The following MUC22 variants were observed in gnomAD, a reference collection of about 807,000 sequenced individuals.
MUC22 encodes the protein mucin 22.
MUC22 carries 24 observed loss-of-function variants against 40.3 expected under a neutral mutation model. That is an observed-to-expected ratio of 0.60 (90% CI 0.43 to 0.84). The LOEUF is 0.84. MUC22 is among the 40% of genes least tolerant of loss of function. The pLI, the probability that MUC22 is intolerant of heterozygous loss-of-function variation, is 0.00. For missense variants in MUC22, 1,926 were observed against 2,130.7 expected (o/e 0.90, Z 1.89); for synonymous variants, 765 against 844.5 (o/e 0.91, Z 1.63).
In MUC22 at chr6:31,024,563, T is replaced by G. The variant is rs531683827; in HGVS notation, c.71-939T>G. Among the ~76,000 whole-genome samples the G allele has an allele frequency of 2.0e-5, 3 of 152,304 alleles. No homozygotes were observed. The East Asian group carries it at 5.8e-4, about 29-fold the overall frequency. On this transcript the variant is annotated intron_variant, in intron 1 of 3. Coordinates refer to ENST00000561890, the Ensembl canonical transcript of MUC22. ...TTTCTACCATGGTATTTTGCTAAACTCTGAGTATACCCCTGTCAGCAAAAG... is the reference window on the plus strand; with the variant it reads ...TTTCTACCATGGTATTTTGCTAAACGCTGAGTATACCCCTGTCAGCAAAAG...
In MUC22 at chr6:31,032,377, C is replaced by G; in HGVS notation, c.4851C>G (p.Thr1617=). 2 of 1,535,718 alleles carry G rather than the reference C, an allele frequency of 1.3e-6. No individual in the cohort carries two copies. Among genetic ancestry groups the G allele is most frequent in the Non-Finnish European group, 1.7e-6 (2 of 1,146,912 alleles). The change falls in exon 3 of 4, where the codon ACC becomes ACG. Residue 1617 remains threonine, a synonymous_variant. Coordinates refer to ENST00000561890, the Ensembl canonical transcript of MUC22. This position sits in a 1 kb window ranked among gnomAD's most constrained non-coding sequence, Gnocchi z 4.1. ...CCTCAGCCCACGGCGTCAGGACCAC[C>G]ACAGGATCCACCCGTGAGCCAACCA... is the stretch of plus-strand genomic sequence containing the variant.
chr6:31,016,418 A>C (rs1347974955), intron 1 of MUC22, among the ~76,000 whole-genome samples: 1 of 152,124 alleles, frequency 6.6e-6, no homozygotes, highest in Non-Finnish European at 1.5e-5. Context: ...GAGACGTGGC[A>C]GTTTAGATTG....
rs1252197074 is a variant in MUC22, at chr6:31,011,342, G to A, written c.70+566G>A. On this transcript the variant is annotated intron_variant, in intron 1 of 3. Coordinates refer to ENST00000561890, the Ensembl canonical transcript of MUC22. This position sits in a 1 kb window ranked among gnomAD's most constrained non-coding sequence, Gnocchi z 4.5. ...CTATCTGTAGTCTTTTATCTCTCGT[G>A]CCTCCCCCGTCCTTCCTCCCTAGTG... Among the ~76,000 whole-genome samples the A allele has an allele frequency of 6.6e-6, 1 of 151,824 alleles. No individual in the cohort carries two copies. Among genetic ancestry groups the A allele is most frequent in the Non-Finnish European group, 1.5e-5 (1 of 67,876 alleles).
At position 31,027,100 on chromosome 6, in the gene MUC22, A is replaced by G. The variant is rs895213002; in HGVS notation, c.1669A>G (p.Met557Val). The change falls in exon 2 of 4, where the codon ATG becomes GTG. Residue 557 changes from methionine (M) to valine (V), a missense_variant. Transcript: ENST00000561890. ...ATCCACCATGGGCTCTGAGACCACT[A>G]TGGCCTCTACCATAGGCCCTGAGAC... 2.7e-6 allele frequency: 4 copies of G among 1,494,508 alleles called. 1 individual carries two copies. Among genetic ancestry groups the G allele is most frequent in the African/African-American group, 1.4e-5 (1 of 71,890 alleles). 92.6% of individuals were successfully genotyped at this position (1,494,508 alleles called of 1,614,324 possible).
At chr6:31,024,607 T>G (rs532743728) in intron 1 of MUC22, among the ~76,000 whole-genome samples, 2 of 152,208 alleles carry the variant, frequency 1.3e-5, no homozygotes, top group Non-Finnish European at 2.9e-5. Flanking sequence ...GCTTATGTTC[T>G]TGTAAAGAAG....
chr6:31,025,661 C>T lies in MUC22; in HGVS notation c.230C>T (p.Ser77Leu), dbSNP rs935540346. Reference sequence around the variant, plus strand: ...TCTACCACAGGCTCTGAGACAACCTCAGCCTCCACCATGGCTTCTACTGCA... The same window carrying T: ...TCTACCACAGGCTCTGAGACAACCTTAGCCTCCACCATGGCTTCTACTGCA... The change falls in exon 2 of 4, where the codon TCA (serine) becomes TTA (leucine). Residue 77 changes from serine (S) to leucine (L), a missense_variant. Ser to Leu is a moderately radical substitution (Grantham distance 145). Coordinates refer to ENST00000561890, the Ensembl canonical transcript of MUC22. 19 of 1,533,148 alleles carry T rather than the reference C, an allele frequency of 1.2e-5. No individual in the cohort carries two copies. Among genetic ancestry groups the T allele is most frequent in the Non-Finnish European group, 1.7e-5 (19 of 1,145,362 alleles). The allele number at this position is 1,533,148 out of a possible 1,614,324, so 95.0% of individuals were successfully genotyped here.
At chr6:31,027,948 CACTGCAGGCTCT>C (rs1765586143) in exon 2 of MUC22, 1 of 1,529,482 alleles carries the variant, frequency 6.5e-7, no homozygotes, top group Non-Finnish European at 8.7e-7. Flanking sequence ...CTGCAGCCTC[CACTGCAGGCTCT>C]GAGACCACCA....
chr6:31,026,603 C>T, exon 2 of MUC22: 1 of 1,506,772 alleles, frequency 6.6e-7, no homozygotes, highest in East Asian at 2.5e-5. Flanking sequence ...GTCACCTCTA[C>T]TGCAGGCTCT....
chr6:31,022,834 C>T (rs79595437), intron 1 of MUC22, among the ~76,000 whole-genome samples: 18,231 of 152,008 alleles, frequency 0.12, 1,283 homozygotes, highest in African/African-American at 0.17. Context: ...AAAATGGGGT[C>T]AAAAATGACT....
exon 2 of MUC22, chr6:31,028,270 G>A: frequency 6.5e-7 from 1 of 1,534,314 alleles, no homozygotes; most frequent in Non-Finnish European, 8.7e-7. Context: ...GACCACTACA[G>A]TCTCCATCAC....
At chr6:31,033,503 TG>T in intron 3 of MUC22, among the ~76,000 whole-genome samples, 1 of 152,362 alleles carries the variant, frequency 6.6e-6, no homozygotes, top group East Asian at 1.9e-4. Context: ...TGGTCTTGAT[TG>T]TTCTTTGAAT....
exon 2 of MUC22, chr6:31,028,321 A>G: frequency 6.5e-7 from 1 of 1,533,004 alleles, no homozygotes; most frequent in South Asian, 1.2e-5. Flanking sequence ...AGGTTCAGAG[A>G]CCACCACCAC....
At chr6:31,029,858 C>T in exon 2 of MUC22, 2 of 1,534,184 alleles carry the variant, frequency 1.3e-6, no homozygotes, top group South Asian at 1.2e-5. Context: ...TCTGAGACCT[C>T]CACACCCTCC....
upstream of MUC22, chr6:31,010,383 C>T (rs1342521181): frequency 9.7e-6 from 3 of 309,030 alleles, no homozygotes; most frequent in Non-Finnish European, 1.8e-5. Context: ...AAGCACAGCG[C>T]AGAAATGCCC....
exon 2 of MUC22, chr6:31,027,996 C>T (rs749938740): frequency 2.6e-6 from 4 of 1,533,076 alleles, no homozygotes; most frequent in East Asian, 2.5e-5. Context: ...ATTCTGAGAA[C>T]ACCACAGCAT....
intron 1 of MUC22, among the ~76,000 whole-genome samples, chr6:31,023,264 A>G (rs919368521): frequency 6.6e-6 from 1 of 152,132 alleles, no homozygotes; most frequent in South Asian, 2.1e-4. Context: ...GGCCAGCTAC[A>G]GTGGTTCACA....
At chr6:31,026,306 C>A (rs1396118975) in exon 2 of MUC22, 3 of 1,512,636 alleles carry the variant, frequency 2.0e-6, no homozygotes, top group Non-Finnish European at 2.7e-6. Context: ...ACAGCCTCTA[C>A]AGCAGGTTCT....
chr6:31,020,392 G>T (rs1175219383), intron 1 of MUC22, among the ~76,000 whole-genome samples: 3 of 149,504 alleles, frequency 2.0e-5, no homozygotes, highest in African/African-American at 7.4e-5. Flanking sequence ...TGAAATGAAG[G>T]CTTTTCTAGA....
intron 1 of MUC22, among the ~76,000 whole-genome samples, chr6:31,023,026 A>G (rs1057140056): frequency 2.6e-5 from 4 of 152,164 alleles, no homozygotes; most frequent in Non-Finnish European, 5.9e-5. Context: ...GCTACTCAGG[A>G]GGCCGAGGCA....
Sources: allele counts gnomAD v4.1 joint callset (sites outside exome capture counted in the v4.1 genomes callset), GRCh38; gene constraint gnomAD v4.1.1; non-coding constraint Gnocchi (gnomAD v3.1); transcripts MANE v1.5; gene names NCBI Gene and HGNC (gene_info 2026-07-23, HGNC 2026-07-21).